The following GAB2 variants were observed in gnomAD, a reference collection of about 807,000 sequenced individuals.
GAB2 encodes GRB2 associated binding protein 2, also known as GRB2-associated-binding protein 2.
A neutral mutation model predicts 65.5 loss-of-function variants in GAB2; 26 were observed. That is an observed-to-expected ratio of 0.40 (90% CI 0.29 to 0.55). GAB2 has a LOEUF of 0.55. GAB2 is among the 20% of genes least tolerant of loss of function. GAB2 has a pLI of 0.53. For synonymous variants in GAB2, 321 were observed against 329.6 expected (o/e 0.97, Z 0.28); for missense variants, 884 against 875.8 (o/e 1.01, Z -0.12).
chr11:78,386,816 A>G (rs185019681), intron 1 of GAB2, among the ~76,000 whole-genome samples: 21 of 152,264 alleles, frequency 1.4e-4, no homozygotes, highest in African/African-American at 5.1e-4. Flanking sequence ...TACTCATGTT[A>G]TTGGTTTTCC....
At chr11:78,278,440 T>C (rs1866238059) in intron 2 of GAB2, among the ~76,000 whole-genome samples, 1 of 151,736 alleles carries the variant, frequency 6.6e-6, no homozygotes, top group African/African-American at 2.4e-5. Context: ...TGGAGTGCAG[T>C]GGTGCGATCT....
intron 1 of GAB2, among the ~76,000 whole-genome samples, chr11:78,312,931 G>A (rs1438430128): frequency 1.3e-5 from 2 of 152,062 alleles, no homozygotes; most frequent in African/African-American, 4.8e-5. Context: ...CATCAAGGGT[G>A]GCAGAAACGG....
At chr11:78,398,437 T>C (rs1394671753) in intron 1 of GAB2, among the ~76,000 whole-genome samples, 2 of 152,204 alleles carry the variant, frequency 1.3e-5, no homozygotes, top group Admixed American at 1.3e-4. Flanking sequence ...ATAAGACTTA[T>C]GTACATGTCT....
At chr11:78,255,164 T>C (rs959387294) in intron 2 of GAB2, among the ~76,000 whole-genome samples, 1 of 151,710 alleles carries the variant, frequency 6.6e-6, no homozygotes, top group African/African-American at 2.4e-5. Flanking sequence ...TGGGTCAAGG[T>C]AGAGATCGAA....
chr11:78,356,186 A>G lies in GAB2; in HGVS notation c.75+61460T>C, dbSNP rs1258072447. ...AGACTCCATCTCAAAAAAAAAGAAA[A>G]AAAAAAAAAAGACACAGTGGTGGAA... On this transcript the variant is annotated intron_variant, in intron 1 of 9. Transcript: ENST00000361507. Among the ~76,000 whole-genome samples, 4 of 151,518 alleles carry G rather than the reference A, an allele frequency of 2.6e-5. No individual in the cohort carries two copies. The South Asian group carries it at 6.3e-4, about 24-fold the overall frequency.
intron 1 of GAB2, among the ~76,000 whole-genome samples, chr11:78,371,319 T>C (rs1313717692): frequency 1.3e-5 from 2 of 152,258 alleles, no homozygotes; most frequent in African/African-American, 4.8e-5. Flanking sequence ...GTTCTGAGAT[T>C]GAAAATCCTA....
chr11:78,244,837 G>A (rs1248858685), intron 3 of GAB2, among the ~76,000 whole-genome samples: 2 of 152,094 alleles, frequency 1.3e-5, no homozygotes, highest in African/African-American at 4.8e-5. Context: ...ACTGTTGGTG[G>A]GAATGTAAAT....
At chr11:78,251,170 G>C (rs1865445313) in intron 2 of GAB2, among the ~76,000 whole-genome samples, 1 of 152,150 alleles carries the variant, frequency 6.6e-6, no homozygotes. Flanking sequence ...GCTAAGGCTG[G>C]CTTTGTTAAA....
intron 1 of GAB2, among the ~76,000 whole-genome samples, chr11:78,290,072 C>T (rs1479273370): frequency 6.6e-6 from 1 of 151,784 alleles, no homozygotes; most frequent in Admixed American, 6.6e-5. Context: ...CAATGCTGTG[C>T]TCTCATCTGG....
chr11:78,271,896 G>C (rs1227062146), intron 2 of GAB2, among the ~76,000 whole-genome samples: 1 of 152,200 alleles, frequency 6.6e-6, no homozygotes, highest in Non-Finnish European at 1.5e-5. Flanking sequence ...GAATCATGGA[G>C]GCAGGTCTTT....
intron 1 of GAB2, among the ~76,000 whole-genome samples, chr11:78,375,591 G>T (rs1591073395): frequency 6.6e-6 from 1 of 152,222 alleles, no homozygotes; most frequent in Admixed American, 6.5e-5. Context: ...AGAAGTAAAT[G>T]GATACATCTT....
chr11:78,278,432 G>C (rs535272299), intron 2 of GAB2, among the ~76,000 whole-genome samples: 1 of 151,894 alleles, frequency 6.6e-6, no homozygotes, highest in African/African-American at 2.4e-5. Context: ...ACCCAGGCTG[G>C]AGTGCAGTGG....
At position 78,276,918 on chromosome 11, in the gene GAB2, C is replaced by T. The variant is rs192969632; in HGVS notation, c.376+3683G>A. ...CTACAAGCTCCGCCTCCCAGGTTCA[C>T]GCCATTCTCCTGCCTCAGCCTCCCG... is the stretch of plus-strand genomic sequence containing the variant. On this transcript the variant is annotated intron_variant, in intron 2 of 9. Coordinates refer to ENST00000361507, the MANE Select transcript of GAB2 (RefSeq NM_080491.3). 2.1e-3 allele frequency among the ~76,000 whole-genome samples: 317 copies of T among 152,268 alleles called. 1 individual carries two copies. Among genetic ancestry groups the T allele is most frequent in the African/African-American group, 7.4e-3 (306 of 41,566 alleles).
Position 78,256,180 on chromosome 11 carries a change from G to T in GAB2, c.377-5780C>A, listed in dbSNP as rs143695221. Among the ~76,000 whole-genome samples, 333 of 152,270 alleles carry T rather than the reference G, an allele frequency of 2.2e-3. 2 individuals carry two copies. Among genetic ancestry groups the T allele is most frequent in the South Asian group, 4.8e-3 (23 of 4,818 alleles). On this transcript the variant is annotated intron_variant, in intron 2 of 9. Coordinates refer to ENST00000361507, the MANE Select transcript of GAB2 (RefSeq NM_080491.3). ...AACAACCAAAATGTCCTGACGAATG[G>T]ATAAACAAAATGTGATATATCCACA...
At chr11:78,231,034 A>G (rs1361199147) in intron 3 of GAB2, among the ~76,000 whole-genome samples, 1 of 152,226 alleles carries the variant, frequency 6.6e-6, no homozygotes, top group Non-Finnish European at 1.5e-5. Context: ...GCAAGATACT[A>G]TGCCATACAT....
chr11:78,320,372 T>C (rs921752296), intron 1 of GAB2, among the ~76,000 whole-genome samples: 1 of 152,002 alleles, frequency 6.6e-6, no homozygotes, highest in Non-Finnish European at 1.5e-5. Flanking sequence ...TGATCAATAT[T>C]ATGATCAAGG....
At chr11:78,354,976 T>G (rs1591061599) in intron 1 of GAB2, among the ~76,000 whole-genome samples, 1 of 152,250 alleles carries the variant, frequency 6.6e-6, no homozygotes, top group Non-Finnish European at 1.5e-5. Flanking sequence ...GACTCCACTT[T>G]CACTGTTCAA....
At chr11:78,374,975 C>T (rs1473633855) in intron 1 of GAB2, among the ~76,000 whole-genome samples, 1 of 152,168 alleles carries the variant, frequency 6.6e-6, no homozygotes, top group African/African-American at 2.4e-5. Flanking sequence ...TTCTATTTCA[C>T]ACACAGGTAC....
At chr11:78,228,353 T>C (rs1864748848) in intron 3 of GAB2, among the ~76,000 whole-genome samples, 2 of 152,224 alleles carry the variant, frequency 1.3e-5, no homozygotes, top group African/African-American at 4.8e-5. Context: ...CAATCCTTTG[T>C]AGCAGGGATT....
Sources: gnomAD v4.1 joint callset for allele counts (sites outside exome capture counted in the v4.1 genomes callset) on GRCh38, gnomAD v4.1.1 for gene constraint, MANE v1.5 for transcripts, NCBI Gene and HGNC (gene_info 2026-07-23, HGNC 2026-07-21) for gene names.